The following CLSTN2 variants were observed in gnomAD, a reference collection of about 807,000 sequenced individuals.
CLSTN2 encodes the protein calsyntenin 2.
Under a neutral mutation model 101.2 loss-of-function variants are expected in CLSTN2, and 48 were observed. The ratio of observed to expected loss-of-function variants is 0.47; its 90% CI spans 0.38 to 0.60. The LOEUF is 0.60. CLSTN2 is among the 20% of genes least tolerant of loss of function. The pLI, the probability that CLSTN2 is intolerant of heterozygous loss-of-function variation, is 0.00. For missense variants in CLSTN2, 1,160 were observed against 1,238.2 expected, an observed-to-expected ratio of 0.94 and a Z score of 0.95; for synonymous variants, 481 against 463.6, an observed-to-expected ratio of 1.04 and a Z score of -0.48.
intron 1 of CLSTN2, among the ~76,000 whole-genome samples, chr3:140,067,673 T>G (rs74783391): frequency 0.024 from 3,717 of 152,286 alleles, 135 homozygotes; most frequent in African/African-American, 0.082. Context: ...GGATCACAGA[T>G]GCTGTCACCC....
intron 1 of CLSTN2, among the ~76,000 whole-genome samples, chr3:140,076,633 T>G (rs1246191544): frequency 1.0e-4 from 14 of 139,222 alleles, no homozygotes; most frequent in Non-Finnish European, 1.8e-4. Flanking sequence ...GTGTTTTTTT[T>G]TTTTTTTTTT....
In CLSTN2 at chr3:140,001,442, AT is replaced by A. The variant is rs543011229; in HGVS notation, c.109+65969del. 4.4e-3 allele frequency among the ~76,000 whole-genome samples: 646 copies of A among 145,218 alleles called. 4 individuals carry two copies. The highest frequency in any genetic ancestry group is 7.6e-3 in the African/African-American group (301 of 39,512). On this transcript the variant is annotated intron_variant, in intron 1 of 16. Transcript: ENST00000458420. Reference sequence around the variant, plus strand: ...GTTCTAGTTTCTGTGCCAGTTCTCCATTTTTTTTTTATCTTTTATTTTCTTC... The same window carrying A: ...GTTCTAGTTTCTGTGCCAGTTCTCCATTTTTTTTTATCTTTTATTTTCTTC...
At chr3:140,284,558 C>A (rs2086878685) in intron 2 of CLSTN2, among the ~76,000 whole-genome samples, 1 of 152,106 alleles carries the variant, frequency 6.6e-6, no homozygotes, top group Non-Finnish European at 1.5e-5. Flanking sequence ...GATTTCCTAG[C>A]TCAAGAGCCA....
chr3:139,961,327 A>G (rs528019474), intron 1 of CLSTN2, among the ~76,000 whole-genome samples: 1 of 152,308 alleles, frequency 6.6e-6, no homozygotes, highest in East Asian at 1.9e-4. Context: ...ATGTGTCATC[A>G]TTGTGCACGT....
At chr3:140,335,543 C>T in intron 2 of CLSTN2, among the ~76,000 whole-genome samples, 1 of 152,010 alleles carries the variant, frequency 6.6e-6, no homozygotes, top group East Asian at 1.9e-4. Flanking sequence ...TTCTGGGGCC[C>T]TCCCCTCCTC....
intron 1 of CLSTN2, among the ~76,000 whole-genome samples, chr3:139,993,356 C>T (rs921677150): frequency 2.0e-5 from 3 of 152,166 alleles, no homozygotes; most frequent in Non-Finnish European, 4.4e-5. Context: ...TACCTCATAT[C>T]CTAACTCAGC....
intron 8 of CLSTN2, among the ~76,000 whole-genome samples, chr3:140,468,722 C>T (rs1372923043): frequency 6.6e-6 from 1 of 152,186 alleles, no homozygotes; most frequent in African/African-American, 2.4e-5. Flanking sequence ...TGCCCGGCTG[C>T]TGCTTTGGTG....
intron 1 of CLSTN2, among the ~76,000 whole-genome samples, chr3:140,088,074 G>A (rs188508698): frequency 1.6e-4 from 24 of 152,232 alleles, no homozygotes; most frequent in Non-Finnish European, 2.1e-4. Context: ...TCAACCGTTC[G>A]TTATGCCATG....
chr3:139,952,497 G>A (rs1041798194), intron 1 of CLSTN2, among the ~76,000 whole-genome samples: 2 of 152,038 alleles, frequency 1.3e-5, no homozygotes, highest in Non-Finnish European at 2.9e-5. Flanking sequence ...TTTTTAGAAC[G>A]TGGAATCTTT....
At chr3:140,427,173 C>CAA (rs11422400) in intron 5 of CLSTN2, among the ~76,000 whole-genome samples, 55 of 89,500 alleles carry the variant, frequency 6.1e-4, no homozygotes, top group South Asian at 1.4e-3. Context: ...GAGACTGTCT[C>CAA]AAAAAAAAAA....
chr3:140,044,312 A>G (rs1414891288), intron 1 of CLSTN2, among the ~76,000 whole-genome samples: 1 of 152,200 alleles, frequency 6.6e-6, no homozygotes, highest in Non-Finnish European at 1.5e-5. Context: ...GAGTTCACTC[A>G]TGATTTGGCT....
intron 2 of CLSTN2, among the ~76,000 whole-genome samples, chr3:140,199,193 T>G (rs1174321628): frequency 6.6e-6 from 1 of 152,206 alleles, no homozygotes; most frequent in Non-Finnish European, 1.5e-5. Context: ...CATCAGACTT[T>G]TTCTCCCACT....
intron 8 of CLSTN2, among the ~76,000 whole-genome samples, chr3:140,493,786 T>G (rs1014469308): frequency 6.6e-6 from 1 of 152,238 alleles, no homozygotes; most frequent in African/African-American, 2.4e-5. Flanking sequence ...ATGTCATAGA[T>G]GGGAGACCTA....
chr3:140,359,549 T>C lies in CLSTN2; in HGVS notation c.233-44080T>C, dbSNP rs114970054. 3.5e-3 allele frequency among the ~76,000 whole-genome samples: 532 copies of C among 152,352 alleles called. 2 individuals carry two copies. The highest frequency in any genetic ancestry group is 5.9e-3 in the Non-Finnish European group (404 of 68,040). ...AACCATCTATGGTTGTAATTGTTTA[T>C]AATAACTTAATGGCATAATTACTCC... On this transcript the variant is annotated intron_variant, in intron 2 of 16. Coordinates refer to ENST00000458420, the MANE Select transcript of CLSTN2 (RefSeq NM_022131.3).
At chr3:140,446,389 A>T (rs1933078307) in intron 5 of CLSTN2, among the ~76,000 whole-genome samples, 1 of 152,166 alleles carries the variant, frequency 6.6e-6, no homozygotes, top group Admixed American at 6.5e-5. Flanking sequence ...TCACATCCGT[A>T]ATGTGCACCC....
intron 2 of CLSTN2, among the ~76,000 whole-genome samples, chr3:140,358,590 T>TG (rs1440028489): frequency 1.1e-4 from 17 of 152,246 alleles, no homozygotes; most frequent in Admixed American, 9.8e-4. Flanking sequence ...ATATCTTGCA[T>TG]ATTTGAATCT....
chr3:140,104,357 G>A (rs866144595), intron 1 of CLSTN2, among the ~76,000 whole-genome samples: 2 of 152,188 alleles, frequency 1.3e-5, no homozygotes, highest in Non-Finnish European at 2.9e-5. Context: ...GCTGGCAGAG[G>A]TAGAAGTTTC....
At chr3:140,404,500 G>T in intron 3 of CLSTN2, 58 bp from the exon 4 acceptor site, 1 of 1,514,000 alleles carries the variant, frequency 6.6e-7, no homozygotes. Context: ...AGGAGGTACA[G>T]GAGGTTGGTG....
chr3:140,056,252 C>T (rs1243293966), intron 1 of CLSTN2, among the ~76,000 whole-genome samples: 1 of 152,190 alleles, frequency 6.6e-6, no homozygotes, highest in East Asian at 1.9e-4. Context: ...CAGCACCTAG[C>T]ACAGTGCCTG....
Sources: allele counts gnomAD v4.1 joint callset (sites outside exome capture counted in the v4.1 genomes callset), GRCh38; gene constraint gnomAD v4.1.1; transcripts MANE v1.5; gene names NCBI Gene and HGNC (gene_info 2026-07-23, HGNC 2026-07-21).